The following PLEKHM2 variants were observed in gnomAD, a reference collection of about 807,000 sequenced individuals.
PLEKHM2 encodes the protein pleckstrin homology domain-containing family M member 2.
PLEKHM2 carries 77 observed loss-of-function variants against 116.3 expected under a neutral mutation model. The ratio of observed to expected loss-of-function variants is 0.66; its 90% confidence interval spans 0.55 to 0.80. The LOEUF is 0.80. Ranked by LOEUF, PLEKHM2 falls within the 30% of genes least tolerant of loss-of-function variation. PLEKHM2 has a pLI of 0.00. For synonymous variants in PLEKHM2, 562 were observed against 571.0 expected, an observed-to-expected ratio of 0.98 and a Z score of 0.22; for missense variants, 1,183 against 1,354.9, an observed-to-expected ratio of 0.87 and a Z score of 1.99.
At chr1:15,733,692 CA>C (rs1428325037) in intron 19 of PLEKHM2, 104 bp from the exon 20 acceptor site, 1 of 1,250,838 alleles carries the variant, frequency 8.0e-7, no homozygotes, top group Non-Finnish European at 1.1e-6. Context: ...GAGGGCCTGA[CA>C]GGGGCTCCGT....
chr1:15,699,767 C>G (rs966274078), intron 1 of PLEKHM2, among the ~76,000 whole-genome samples: 1 of 151,576 alleles, frequency 6.6e-6, no homozygotes, highest in African/African-American at 2.4e-5. Context: ...CAAGACTGGC[C>G]TGGGCAATAT....
At chr1:15,700,257 A>G (rs1226765954) in intron 1 of PLEKHM2, among the ~76,000 whole-genome samples, 1 of 151,992 alleles carries the variant, frequency 6.6e-6, no homozygotes, top group East Asian at 1.9e-4. Flanking sequence ...TTTTATTTTT[A>G]GAGACAGGGT....
chr1:15,690,415 G>C (rs1640866663), intron 1 of PLEKHM2, among the ~76,000 whole-genome samples: 1 of 152,148 alleles, frequency 6.6e-6, no homozygotes, highest in African/African-American at 2.4e-5. Flanking sequence ...TTCTTAAAAG[G>C]CCACATGGCA....
intron 1 of PLEKHM2, among the ~76,000 whole-genome samples, chr1:15,701,434 A>AAAAAAAG (rs569878310): frequency 6.6e-6 from 1 of 151,516 alleles, no homozygotes; most frequent in Non-Finnish European, 1.5e-5. Context: ...ACTCCATCTC[A>AAAAAAAG]AAAAAAGAAA....
intron 1 of PLEKHM2, among the ~76,000 whole-genome samples, chr1:15,693,102 G>A (rs1474963194): frequency 8.0e-5 from 11 of 137,722 alleles, no homozygotes; most frequent in African/African-American, 2.8e-4. Context: ...GGGCAGTGGC[G>A]CAATCTCGGC....
rs1484744601 is a variant in PLEKHM2, at chr1:15,730,620, C to T, written c.2297C>T (p.Ser766Leu). The change falls in exon 15 of 20, where the codon TCA (serine) becomes TTA (leucine). Residue 766 changes from serine (S) to leucine (L), a missense_variant. This residue lies in a region of PLEKHM2 where 594 missense variants were observed against 720.1 expected (regional missense o/e 0.82). Transcript: ENST00000375799. ...CTGGGCCCCACGCCCTGCCACTGCTCACCCCCCGAGGGCACCATCACCAAA... is the reference window on the plus strand; with the variant it reads ...CTGGGCCCCACGCCCTGCCACTGCTTACCCCCCGAGGGCACCATCACCAAA... ...ESLGPTPCHC[S>L]PPEGTITKEG... 1.9e-6 allele frequency: 3 copies of T among 1,608,020 alleles called. No individual in the cohort carries two copies. Among genetic ancestry groups the T allele is most frequent in the South Asian group, 2.2e-5 (2 of 89,674 alleles).
chr1:15,718,293 T>C (rs1309881555), intron 4 of PLEKHM2, among the ~76,000 whole-genome samples: 2 of 152,234 alleles, frequency 1.3e-5, no homozygotes, highest in African/African-American at 4.8e-5. Flanking sequence ...GTACAGCAGC[T>C]GCTGAGAGCC....
chr1:15,702,102 T>C (rs1431067074), intron 1 of PLEKHM2, among the ~76,000 whole-genome samples: 2 of 152,166 alleles, frequency 1.3e-5, no homozygotes, highest in Non-Finnish European at 2.9e-5. Context: ...GGGATCTGCC[T>C]TGTAAGGGAG....
In PLEKHM2 at chr1:15,727,581, A is replaced by G; in HGVS notation, c.1509A>G (p.Glu503=). The G allele has an allele frequency of 6.3e-7, 1 of 1,578,116 alleles. No homozygotes were observed. The highest frequency in any genetic ancestry group is 8.6e-7 in the Non-Finnish European group (1 of 1,162,588). ...VPSSPEAAGQ[E]EEGGGGEGQT... ...GTAGCCCTGAGGCTGCTGGCCAAGA[A>G]GAAGAGGGAGGAGGAGGAGAGGGAC... The change falls in exon 9 of 20, where the codon GAA becomes GAG. Residue 503 remains glutamate (E), a synonymous_variant. Transcript: ENST00000375799. This position sits in a 1 kb window ranked among gnomAD's most constrained non-coding sequence, Gnocchi z 7.5.
chr1:15,715,824 C>T (rs1216772287), intron 1 of PLEKHM2, among the ~76,000 whole-genome samples: 6 of 152,314 alleles, frequency 3.9e-5, no homozygotes, highest in South Asian at 2.1e-4. Flanking sequence ...GAGGAAAATA[C>T]GTCTAGCGCT....
In PLEKHM2 at chr1:15,734,248, G is replaced by T; in HGVS notation, c.*314G>T. 1 of 347,064 alleles carries T rather than the reference G, an allele frequency of 2.9e-6. No homozygotes were observed. Among genetic ancestry groups the T allele is most frequent in the Non-Finnish European group, 5.3e-6 (1 of 190,060 alleles). The allele number at this position is 347,064 out of a possible 1,614,324, so 21.5% of individuals were successfully genotyped here. ...CCTCAGTCTGCAGAATTTCTGCCGA[G>T]TGGCACCGAGAACACCATCCATCTA... On this transcript the variant is annotated 3_prime_UTR_variant, in exon 20 of 20. Coordinates refer to ENST00000375799, the MANE Select transcript of PLEKHM2 (RefSeq NM_015164.4).
Position 15,728,637 on chromosome 1 carries a change from G to T in PLEKHM2, c.1922-32G>T. ...CAGGGGGAGGGAAAAGAGGCCTGTG[G>T]GGATAATAGGCCTTGGGGTTTCCTC... On this transcript the variant is annotated intron_variant, in intron 11 of 19. Transcript: ENST00000375799. This position sits in a 1 kb window ranked among gnomAD's most constrained non-coding sequence, Gnocchi z 5.9. 1 of 1,573,862 alleles carries T rather than the reference G, an allele frequency of 6.4e-7. No homozygotes were observed.
Position 15,730,734 on chromosome 1 carries a change from G to T in PLEKHM2, c.2399+12G>T. On this transcript the variant is annotated intron_variant, in intron 15 of 19. Transcript: ENST00000375799. ...TTCGTGGTGCTCAGGTGGGAGCCCT[G>T]GCAGCTCTAGGCCTGGGGCTTGGGC... The T allele has an allele frequency of 6.3e-7, 1 of 1,580,428 alleles. No individual in the cohort carries two copies. The highest frequency in any genetic ancestry group is 8.6e-7 in the Non-Finnish European group (1 of 1,163,552).
At position 15,731,228 on chromosome 1, in the gene PLEKHM2, C is replaced by A; in HGVS notation, c.2436C>A (p.Asp812Glu). Reference protein sequence around the residue: ...GILYQYPDRTDVIPLLSVNMG... With the variant: ...GILYQYPDRTEVIPLLSVNMG... ...TCTACCAGTACCCGGACCGCACCGA[C>A]GTCATCCCTCTGCTCTCGGTGAACA... Residue 812 changes from aspartate to glutamate, a missense_variant, in exon 16 of 20, where the codon GAC becomes GAA. By Grantham distance (45) the Asp-to-Glu change is conservative (BLOSUM62 2). This residue lies in a region of PLEKHM2 where 594 missense variants were observed against 720.1 expected (regional missense o/e 0.82). Coordinates refer to ENST00000375799, the MANE Select transcript of PLEKHM2 (RefSeq NM_015164.4). 1 of 1,598,154 alleles carries A rather than the reference C, an allele frequency of 6.3e-7. No homozygotes were observed. Among genetic ancestry groups the A allele is most frequent in the South Asian group, 1.1e-5 (1 of 88,338 alleles).
chr1:15,717,869 G>T, intron 3 of PLEKHM2, 24 bp from the exon 4 acceptor site: 10 of 1,502,062 alleles, frequency 6.7e-6, no homozygotes, highest in South Asian at 1.2e-5. Flanking sequence ...CCTTCCTGCC[G>T]GTTACTCCTG....
At chr1:15,733,071 C>T (rs116149313) in intron 19 of PLEKHM2, among the ~76,000 whole-genome samples, 1 of 152,350 alleles carries the variant, frequency 6.6e-6, no homozygotes, top group Non-Finnish European at 1.5e-5. Context: ...CCCGGTGGTT[C>T]TGCCTCTGGT....
At position 15,734,245 on chromosome 1, in the gene PLEKHM2, C is replaced by T. The variant is rs1054097360; in HGVS notation, c.*311C>T. 10 of 351,568 alleles carry T rather than the reference C, an allele frequency of 2.8e-5. No individual in the cohort carries two copies. Among genetic ancestry groups the T allele is most frequent in the African/African-American group, 6.4e-5 (3 of 46,728 alleles). The allele number at this position is 351,568 out of a possible 1,614,324, so 21.8% of individuals were successfully genotyped here. On this transcript the variant is annotated 3_prime_UTR_variant, in exon 20 of 20. Transcript: ENST00000375799. ...CCGCCTCAGTCTGCAGAATTTCTGC[C>T]GAGTGGCACCGAGAACACCATCCAT...
chr1:15,702,803 CT>C (rs1239692863), intron 1 of PLEKHM2, among the ~76,000 whole-genome samples: 1 of 149,768 alleles, frequency 6.7e-6, no homozygotes, highest in Non-Finnish European at 1.5e-5. Flanking sequence ...ACATTGCAGC[CT>C]CCAGCTCCTG....
intron 1 of PLEKHM2, among the ~76,000 whole-genome samples, chr1:15,688,981 G>A (rs1360163690): frequency 6.6e-6 from 1 of 152,128 alleles, no homozygotes; most frequent in Non-Finnish European, 1.5e-5. Context: ...AGGCGCGGTG[G>A]CTCATGCCTG....
Sources: allele counts gnomAD v4.1 joint callset (sites outside exome capture counted in the v4.1 genomes callset), GRCh38; gene constraint gnomAD v4.1.1; regional missense constraint gnomAD v4.1.1; non-coding constraint Gnocchi (gnomAD v3.1); transcripts MANE v1.5; gene names NCBI Gene and HGNC (gene_info 2026-07-23, HGNC 2026-07-21).